RNF141: variants seen among roughly 807,000 people sequenced by gnomAD.
RNF141 encodes ring finger protein 141, also known as C3HC4-like zinc finger protein.
RNF141 carries 18 observed loss-of-function variants against 27.4 expected under a neutral mutation model. That is an observed-to-expected ratio of 0.66 (90% CI 0.45 to 0.97). RNF141 has a LOEUF of 0.97. Ranked by LOEUF, RNF141 falls within the 50% of genes least tolerant of loss-of-function variation. RNF141 has a pLI of 0.00. For missense variants in RNF141, 230 were observed against 279.4 expected (o/e 0.82, Z 1.26); for synonymous variants, 97 against 96.6 (o/e 1.00, Z -0.02).
intron 3 of RNF141, 105 bp downstream of exon 3, chr11:10,530,538 C>T (rs550325612): frequency 2.0e-4 from 107 of 541,744 alleles, no homozygotes; most frequent in African/African-American, 1.7e-3. Context: ...ACAAAACCAC[C>T]GAGTTATTAA....
rs1382783001 is a variant in RNF141 at position 10,513,089 on chromosome 11, A to T, written c.*1827T>A. The T allele has an allele frequency of 6.6e-6, 1 of 152,232 alleles. No individual in the cohort carries two copies. The highest frequency in any genetic ancestry group is 2.4e-5 in the African/African-American group (1 of 41,462). The allele number at this position is 152,232 out of a possible 1,614,324, so 9.4% of individuals were successfully genotyped here. ...AAGAGTAAGAGACTTTCTCAAGGTC[A>T]CACAACCACCAAGTGCATTGCCAGG... is the stretch of plus-strand genomic sequence containing the variant. On this transcript the variant is annotated 3_prime_UTR_variant, in exon 6 of 6. Coordinates refer to ENST00000265981, the MANE Select transcript of RNF141 (RefSeq NM_016422.4).
chr11:10,521,762 G>A (rs543120402), intron 4 of RNF141, among the ~76,000 whole-genome samples: 3 of 152,290 alleles, frequency 2.0e-5, no homozygotes, highest in East Asian at 3.9e-4. Context: ...AGTTGTAGAG[G>A]TAAAAAGCAA....
intron 3 of RNF141, among the ~76,000 whole-genome samples, chr11:10,527,336 G>A (rs1480930438): frequency 6.6e-6 from 1 of 152,192 alleles, no homozygotes; most frequent in Non-Finnish European, 1.5e-5. Context: ...GGAACGCTGA[G>A]GGGTTACAGG....
intron 5 of RNF141, chr11:10,515,282 G>T: frequency 1.8e-6 from 1 of 556,012 alleles, no homozygotes; most frequent in Non-Finnish European, 3.1e-6. Context: ...GATAGACTAA[G>T]CTGGATTAAG....
In RNF141 at chr11:10,512,109, T is replaced by G. The variant is rs1192791082; in HGVS notation, c.*2807A>C. 6.6e-6 allele frequency: 1 copy of G among 152,528 alleles called. No individual in the cohort carries two copies. Among genetic ancestry groups the G allele is most frequent in the East Asian group, 1.9e-4 (1 of 5,206 alleles). 9.4% of individuals were successfully genotyped at this position (152,528 alleles called of 1,614,324 possible). A position where few individuals can be genotyped will look rare whatever the true frequency, so the allele number is the denominator to read the frequency against. ...CTGAGTTAGGATAGGGAAAACAAAT[T>G]CCTTAGAGTTCATGAAACCACTTCA... On this transcript the variant is annotated 3_prime_UTR_variant, in exon 6 of 6. Transcript: ENST00000265981.
chr11:10,541,085 C>T (rs1300473828), intron 1 of RNF141, 37 bp downstream of exon 1: 2 of 152,296 alleles, frequency 1.3e-5, no homozygotes, highest in African/African-American at 4.8e-5. Flanking sequence ...GAGCAGCTAG[C>T]AAGGGAAACA....
Position 10,530,646 on chromosome 11 carries a change from G to C in RNF141, c.249C>G (p.Thr83=). The C allele has an allele frequency of 6.3e-7, 1 of 1,585,390 alleles. No homozygotes were observed. The highest frequency in any genetic ancestry group is 8.6e-7 in the Non-Finnish European group (1 of 1,156,642). The change falls in exon 3 of 6, where the codon ACC becomes ACG. Residue 83 remains threonine (T), a synonymous_variant. Transcript: ENST00000265981. The stretch of plus-strand genomic sequence containing the variant: ...TAGAAGTCTCCATCAGTCTCACCTT[G>C]GTACAGACCACCCGTACAACCACTT... ...FWKVVVRVVC[T]KINKSSGIVE...
chr11:10,533,860 C>T (rs180852871), intron 2 of RNF141, among the ~76,000 whole-genome samples, 156 bp downstream of exon 2: 175 of 152,202 alleles, frequency 1.1e-3, no homozygotes, highest in Non-Finnish European at 2.0e-3. Context: ...CATAGAAAGT[C>T]AACTTATAAT....
chr11:10,525,369 T>C lies in RNF141; in HGVS notation c.257A>G (p.Asn86Ser). The stretch of plus-strand genomic sequence containing the variant: ...TGCCTCCACAATGCCACTGCTTTTG[T>C]TAATCTAAAAATACAAAGAACATGA... ...VVVRVVCTKINKSSGIVEASR... is the reference protein window; with the variant it reads ...VVVRVVCTKISKSSGIVEASR... Residue 86 changes from asparagine to serine, a missense_variant, in exon 4 of 6, where the codon AAC becomes AGC. Physicochemically the swap from Asn to Ser is conservative, Grantham distance 46. Coordinates refer to ENST00000265981, the MANE Select transcript of RNF141 (RefSeq NM_016422.4). The C allele has an allele frequency of 1.3e-6, 2 of 1,551,758 alleles. No homozygotes were observed. The highest frequency in any genetic ancestry group is 1.7e-6 in the Non-Finnish European group (2 of 1,147,484).
At chr11:10,532,204 AAG>A (rs896817688) in intron 2 of RNF141, among the ~76,000 whole-genome samples, 23 of 152,314 alleles carry the variant, frequency 1.5e-4, no homozygotes, top group African/African-American at 5.3e-4. Flanking sequence ...TACTGCTCAT[AAG>A]AGTTGAAAAT....
At chr11:10,531,176 T>A (rs146265130) in intron 2 of RNF141, among the ~76,000 whole-genome samples, 4,007 of 151,886 alleles carry the variant, frequency 0.026, 75 homozygotes, top group African/African-American at 0.057. Context: ...GGAGTTCGAG[T>A]CCAGCCTGAC....
In RNF141 at chr11:10,530,686, G is replaced by C. The variant is rs752418870; in HGVS notation, c.209C>G (p.Ser70Cys). The C allele has an allele frequency of 6.2e-7, 1 of 1,611,692 alleles. No individual in the cohort carries two copies. Among genetic ancestry groups the C allele is most frequent in the Admixed American group, 1.7e-5 (1 of 59,816 alleles). The change falls in exon 3 of 6, where the codon TCC becomes TGC. Residue 70 changes from serine (S) to cysteine (C), a missense_variant. Coordinates refer to ENST00000265981, the MANE Select transcript of RNF141 (RefSeq NM_016422.4). ...LLFEVQPGSD[S>C]SAFWKVVVRV... ...TACAACCACTTTCCAAAAAGCAGAG[G>C]AATCAGACCCAGGTTGTACCTCAAA...
At chr11:10,530,805 T>C (rs757887723) in intron 2 of RNF141, 54 bp from the exon 3 acceptor site, 7 of 1,041,976 alleles carry the variant, frequency 6.7e-6, no homozygotes, top group Non-Finnish European at 9.7e-6. Flanking sequence ...ATTAATAAAA[T>C]AATACAGCCA....
intron 2 of RNF141, among the ~76,000 whole-genome samples, chr11:10,532,530 CACACACA>C (rs755709112): frequency 0.068 from 10,109 of 148,770 alleles, 358 homozygotes; most frequent in Middle Eastern, 0.14. Context: ...CACACACACA[CACACACA>C]CCCCACAACT....
chr11:10,521,956 GAACTCC>G (rs1248707969), intron 4 of RNF141, among the ~76,000 whole-genome samples: 1 of 152,196 alleles, frequency 6.6e-6, no homozygotes, highest in African/African-American at 2.4e-5. Context: ...AAGGGGAAGT[GAACTCC>G]AACTGATATG....
At chr11:10,518,976 T>C (rs1849864173) in intron 5 of RNF141, 58 bp downstream of exon 5, 7 of 1,327,834 alleles carry the variant, frequency 5.3e-6, no homozygotes, top group African/African-American at 1.4e-5. Flanking sequence ...TCAAAGTTTA[T>C]TCATGTACAC....
In RNF141 at chr11:10,512,841, A is replaced by G. The variant is rs140394458; in HGVS notation, c.*2075T>C. Reference sequence around the variant, plus strand: ...CAAACATGCTGGATATCACCAATGCATTAATGTTTTTATTCATTGACTTAA... The same window carrying G: ...CAAACATGCTGGATATCACCAATGCGTTAATGTTTTTATTCATTGACTTAA... On this transcript the variant is annotated 3_prime_UTR_variant, in exon 6 of 6. Transcript: ENST00000265981. 39 of 152,306 alleles carry G rather than the reference A, an allele frequency of 2.6e-4. 1 individual carries two copies. Among genetic ancestry groups the G allele is most frequent in the African/African-American group, 8.9e-4 (37 of 41,584 alleles). 9.4% of individuals were successfully genotyped at this position (152,306 alleles called of 1,614,324 possible).
intron 1 of RNF141, among the ~76,000 whole-genome samples, chr11:10,539,701 A>ATATATATATAT (rs10524171): frequency 0.013 from 415 of 31,416 alleles, 91 homozygotes; most frequent in Non-Finnish European, 0.018. Flanking sequence ...CATATATATT[A>ATATATATATAT]GAGAGAGAAG....
At chr11:10,521,088 G>A (rs1591497058) in intron 4 of RNF141, among the ~76,000 whole-genome samples, 1 of 152,072 alleles carries the variant, frequency 6.6e-6, no homozygotes, top group South Asian at 2.1e-4. Flanking sequence ...ATCTTCTTGG[G>A]AAGAAAAAAG....
Sources: allele counts gnomAD v4.1 joint callset (sites outside exome capture counted in the v4.1 genomes callset), GRCh38; gene constraint gnomAD v4.1.1; transcripts MANE v1.5; gene names NCBI Gene and HGNC (gene_info 2026-07-23, HGNC 2026-07-21).